ADAMTS2: variants seen among roughly 807,000 people sequenced by gnomAD.
The protein encoded by ADAMTS2 is ADAM metallopeptidase with thrombospondin type 1 motif 2, also known as A disintegrin and metalloproteinase with thrombospondin motifs 2.
A neutral mutation model predicts 123.0 loss-of-function variants in ADAMTS2; 50 were observed. The ratio of observed to expected loss-of-function variants is 0.41; its 90% CI spans 0.32 to 0.51. ADAMTS2 has a LOEUF of 0.51. Ranked by LOEUF, ADAMTS2 falls within the 20% of genes least tolerant of loss-of-function variation. ADAMTS2 has a pLI of 0.35. For synonymous variants in ADAMTS2, 678 were observed against 695.4 expected, an observed-to-expected ratio of 0.98 and a Z score of 0.39; for missense variants, 1,494 against 1,705.2, an observed-to-expected ratio of 0.88 and a Z score of 2.18.
intron 13 of ADAMTS2, among the ~76,000 whole-genome samples, chr5:179,135,151 CCCAGCTCCCGACTCCAGCT>C (rs1280428249): frequency 5.6e-5 from 8 of 142,076 alleles, no homozygotes; most frequent in Non-Finnish European, 1.6e-5. Flanking sequence ...GGCTCCAGCC[CCCAGCTCCCGACTCCAGCT>C]CCAGCTCCCG....
chr5:179,134,929 G>T (rs1192937648), intron 13 of ADAMTS2, among the ~76,000 whole-genome samples: 1 of 88,726 alleles, frequency 1.1e-5, no homozygotes, highest in Non-Finnish European at 2.3e-5. Context: ...CCCGGCTCCA[G>T]CCCCCAGCTC....
intron 2 of ADAMTS2, among the ~76,000 whole-genome samples, chr5:179,325,147 T>C (rs1757279856): frequency 6.6e-6 from 1 of 152,122 alleles, no homozygotes; most frequent in Non-Finnish European, 1.5e-5. Flanking sequence ...GATGGGTGTG[T>C]GTGATCTTTC....
Position 179,129,895 on chromosome 5 carries a change from C to T in ADAMTS2, c.2457+37G>A, listed in dbSNP as rs763149412. On this transcript the variant is annotated intron_variant, in intron 16 of 21. Transcript: ENST00000251582. The surrounding 1 kb of genome is among the most constrained non-coding windows in gnomAD (Gnocchi z 4.1). ...CCCCATCCCTCCCCCAGTGGCCACC[C>T]GCACCCTTCCCTGGGCCCAGCCCTG... 11 of 1,612,300 alleles carry T rather than the reference C, an allele frequency of 6.8e-6. No individual in the cohort carries two copies. The highest frequency in any genetic ancestry group is 6.8e-6 in the Non-Finnish European group (8 of 1,179,848).
rs375139837 is a variant in ADAMTS2, at chr5:179,201,240, C to T, written c.891+6273G>A. On this transcript the variant is annotated intron_variant, in intron 4 of 21. Coordinates refer to ENST00000251582, the MANE Select transcript of ADAMTS2 (RefSeq NM_014244.5). Reference sequence around the variant, plus strand: ...GCCAGAGACTTCGCTTTCAGCAACTCAGCTTAAGGAAATAAGTAAGCACGA... The same window carrying T: ...GCCAGAGACTTCGCTTTCAGCAACTTAGCTTAAGGAAATAAGTAAGCACGA... 3.3e-5 allele frequency among the ~76,000 whole-genome samples: 5 copies of T among 152,172 alleles called. No individual in the cohort carries two copies. In the East Asian group the frequency reaches 7.7e-4, roughly 23 times the overall value.
Position 179,189,711 on chromosome 5 carries a change from C to A in ADAMTS2, c.892-8556G>T, listed in dbSNP as rs904960011. Among the ~76,000 whole-genome samples the A allele has an allele frequency of 3.4e-5, 5 of 147,006 alleles. No individual in the cohort carries two copies. In the South Asian group the frequency reaches 6.4e-4, roughly 19 times the overall value. ...ATTTTACAAAGTACATTCTCAAGGG[C>A]GGAAGAATATTACAAAATATCTTCT... is the stretch of plus-strand genomic sequence containing the variant. On this transcript the variant is annotated intron_variant, in intron 4 of 21. Coordinates refer to ENST00000251582, the MANE Select transcript of ADAMTS2 (RefSeq NM_014244.5). The surrounding 1 kb of genome is among the most constrained non-coding windows in gnomAD (Gnocchi z 4.2).
intron 4 of ADAMTS2, among the ~76,000 whole-genome samples, chr5:179,192,995 C>T (rs1298881475): frequency 6.6e-6 from 1 of 152,140 alleles, no homozygotes; most frequent in East Asian, 1.9e-4. Flanking sequence ...CCAGGGTGGC[C>T]GAGGGCTGGC....
At position 179,110,901 on chromosome 5, in the gene ADAMTS2, A is replaced by G. The variant is rs1561760454; in HGVS notation, c.*2966T>C. 2 of 152,266 alleles carry G rather than the reference A, an allele frequency of 1.3e-5. No individual in the cohort carries two copies. Among genetic ancestry groups the G allele is most frequent in the East Asian group, 1.9e-4 (1 of 5,202 alleles). The allele number at this position is 152,266 out of a possible 1,614,324, so 9.4% of individuals were successfully genotyped here. On this transcript the variant is annotated 3_prime_UTR_variant, in exon 22 of 22. Transcript: ENST00000251582. ...TTAACTTTAATAAGTTATAAAAGTA[A>G]GGAGTCAAATTTTACATTACAGAAC...
At chr5:179,215,444 G>A (rs183968089) in intron 3 of ADAMTS2, among the ~76,000 whole-genome samples, 36 of 152,240 alleles carry the variant, frequency 2.4e-4, no homozygotes, top group Middle Eastern at 3.4e-3. Flanking sequence ...GTGAAACTCC[G>A]TCTCAAAAAC....
chr5:179,203,759 G>T (rs535840306), intron 4 of ADAMTS2, among the ~76,000 whole-genome samples: 2 of 152,344 alleles, frequency 1.3e-5, no homozygotes, highest in Admixed American at 6.5e-5. Context: ...TACACTGTTG[G>T]TGGGGGGCAA....
intron 3 of ADAMTS2, among the ~76,000 whole-genome samples, chr5:179,218,872 C>T (rs1347899717): frequency 5.9e-5 from 9 of 152,186 alleles, no homozygotes; most frequent in Non-Finnish European, 1.2e-4. Flanking sequence ...AACATACCCC[C>T]GCACAGCAGA....
chr5:179,231,024 C>T (rs1459963798), intron 3 of ADAMTS2, among the ~76,000 whole-genome samples: 9 of 151,670 alleles, frequency 5.9e-5, no homozygotes, highest in East Asian at 1.9e-4. Context: ...AAAAAAAAGC[C>T]GGGGGGGCTA....
At chr5:179,274,878 T>C (rs115964022) in intron 2 of ADAMTS2, among the ~76,000 whole-genome samples, 1,848 of 152,276 alleles carry the variant, frequency 0.012, 36 homozygotes, top group African/African-American at 0.041. Context: ...GGCTCCAGAA[T>C]GAAGGATGCC....
Position 179,154,171 on chromosome 5 carries a change from C to T in ADAMTS2, c.1260G>A (p.Gly420=), listed in dbSNP as rs376231597. Residue 420 remains glycine (G), a synonymous_variant, in exon 8 of 22, where the codon GGG becomes GGA. Coordinates refer to ENST00000251582, the MANE Select transcript of ADAMTS2 (RefSeq NM_014244.5). The part of the protein sequence containing the change: ...TGHVLGMEHD[G]QGNRCGDEVR... ...CCTCGTCGCCACAGCGGTTGCCCTG[C>T]CCGTCGTGCTCCATGCCCAGCCTGC... 4 of 1,563,804 alleles carry T rather than the reference C, an allele frequency of 2.6e-6. No homozygotes were observed. The African/African-American group carries it at 4.0e-5, about 16-fold the overall frequency.
intron 4 of ADAMTS2, among the ~76,000 whole-genome samples, chr5:179,194,842 G>C (rs1038188356): frequency 3.9e-5 from 6 of 152,120 alleles, no homozygotes; most frequent in African/African-American, 1.4e-4. Flanking sequence ...GTGGGGAGGG[G>C]TGTTTCCAAG....
intron 2 of ADAMTS2, among the ~76,000 whole-genome samples, chr5:179,318,045 G>A (rs1002380159): frequency 6.6e-6 from 1 of 152,164 alleles, no homozygotes; most frequent in Admixed American, 6.5e-5. Context: ...GGTCAGGCAG[G>A]CTTCACCCTG....
At chr5:179,194,817 A>G (rs1197539071) in intron 4 of ADAMTS2, among the ~76,000 whole-genome samples, 1 of 151,996 alleles carries the variant, frequency 6.6e-6, no homozygotes, top group Admixed American at 6.5e-5. Flanking sequence ...AGCAAATGTG[A>G]GTTCCCCTCC....
chr5:179,255,765 C>A (rs956385137), intron 3 of ADAMTS2, among the ~76,000 whole-genome samples: 1 of 152,154 alleles, frequency 6.6e-6, no homozygotes, highest in Non-Finnish European at 1.5e-5. Context: ...AGGGGTGGCA[C>A]GGCACAGACA....
rs115488334 is a variant in ADAMTS2 at position 179,144,291 on chromosome 5, G to A, written c.1630-4256C>T. On this transcript the variant is annotated intron_variant, in intron 10 of 21. Transcript: ENST00000251582. ...TCATTGAAAGAAGTTCAAGTTCTAA[G>A]TAAATGGAAAGACATCTCAATGTTC... Among the ~76,000 whole-genome samples, 1,476 of 152,302 alleles carry A rather than the reference G, an allele frequency of 9.7e-3. 26 individuals are homozygous for A. Among genetic ancestry groups the A allele is most frequent in the African/African-American group, 0.033 (1,360 of 41,562 alleles).
intron 2 of ADAMTS2, among the ~76,000 whole-genome samples, chr5:179,296,291 C>T (rs896321721): frequency 2.6e-5 from 4 of 152,000 alleles, no homozygotes; most frequent in Middle Eastern, 3.2e-3. Flanking sequence ...GCAGCCGGAG[C>T]TCAAGGGACG....
Sources: gnomAD v4.1 joint callset for allele counts (sites outside exome capture counted in the v4.1 genomes callset) on GRCh38, gnomAD v4.1.1 for gene constraint, Gnocchi (gnomAD v3.1) non-coding constraint, MANE v1.5 for transcripts, NCBI Gene and HGNC (gene_info 2026-07-23, HGNC 2026-07-21) for gene names.